The following VSTM4 variants were observed in gnomAD, a reference collection of about 807,000 sequenced individuals.
The protein encoded by VSTM4 is V-set and transmembrane domain containing 4.
VSTM4 carries 20 observed loss-of-function variants against 36.4 expected under a neutral mutation model. That is an observed-to-expected ratio of 0.55 (90% CI 0.39 to 0.80). The LOEUF is 0.80. VSTM4 is among the 30% of genes least tolerant of loss of function. VSTM4 has a pLI of 0.00. For synonymous variants in VSTM4, 182 were observed against 173.9 expected (o/e 1.05, Z -0.37); for missense variants, 392 against 404.5 (o/e 0.97, Z 0.26).
chr10:49,027,538 C>T (rs1843281926), intron 7 of VSTM4, among the ~76,000 whole-genome samples: 1 of 152,158 alleles, frequency 6.6e-6, no homozygotes, highest in African/African-American at 2.4e-5. Context: ...ATGTCTGTAA[C>T]CACTGCCACA....
chr10:49,100,411 C>T (rs1844646317), intron 2 of VSTM4, among the ~76,000 whole-genome samples: 1 of 152,132 alleles, frequency 6.6e-6, no homozygotes, highest in Non-Finnish European at 1.5e-5. Flanking sequence ...AAATATAACT[C>T]AACAAAAGTC....
Position 49,019,557 on chromosome 10 carries a change from G to A in VSTM4, c.*93C>T. On this transcript the variant is annotated 3_prime_UTR_variant, in exon 8 of 8. Coordinates refer to ENST00000332853, the MANE Select transcript of VSTM4 (RefSeq NM_001031746.5). ...GGGCTCCCCACCACTCAGAAGGCAT[G>A]AGTGAAAATACAGACATAAGGGCTT... 2.1e-6 allele frequency: 3 copies of A among 1,457,084 alleles called. No homozygotes were observed. In the South Asian group the frequency reaches 4.9e-5, roughly 24 times the overall value. 90.3% of individuals were successfully genotyped at this position (1,457,084 alleles called of 1,614,324 possible). A position where few individuals can be genotyped will look rare whatever the true frequency, so the allele number is the denominator to read the frequency against.
rs148959839 is a variant in VSTM4 at position 49,095,588 on chromosome 10, C to T, written c.458-9565G>A. On this transcript the variant is annotated intron_variant, in intron 2 of 7. Coordinates refer to ENST00000332853, the MANE Select transcript of VSTM4 (RefSeq NM_001031746.5). ...GCAACACTTTTGAGCAGGCTGTCGTCTCTACTGAAACAGCACAGCCCAGGG... is the reference window on the plus strand; with the variant it reads ...GCAACACTTTTGAGCAGGCTGTCGTTTCTACTGAAACAGCACAGCCCAGGG... Among the ~76,000 whole-genome samples the T allele has an allele frequency of 3.7e-3, 561 of 152,266 alleles. 4 individuals are homozygous for T. Among genetic ancestry groups the T allele is most frequent in the African/African-American group, 0.013 (529 of 41,542 alleles).
chr10:49,040,497 G>A (rs61850680), intron 7 of VSTM4, among the ~76,000 whole-genome samples: 7,411 of 152,048 alleles, frequency 0.049, 214 homozygotes, highest in Middle Eastern at 0.12. Flanking sequence ...TATTGGCCGG[G>A]CGAGTCTCAA....
Position 49,108,831 on chromosome 10 carries a change from T to C in VSTM4, c.56-836A>G, listed in dbSNP as rs181895573. ...ACTGTTCTGCCCCTGAGCTGACCTG[T>C]GATGGAGCCACCCCAGCGCCCACTC... is the stretch of plus-strand genomic sequence containing the variant. On this transcript the variant is annotated intron_variant, in intron 1 of 7. Coordinates refer to ENST00000332853, the MANE Select transcript of VSTM4 (RefSeq NM_001031746.5). 3.2e-4 allele frequency among the ~76,000 whole-genome samples: 48 copies of C among 152,170 alleles called. No homozygotes were observed. In the East Asian group the frequency reaches 6.8e-3, roughly 21 times the overall value.
chr10:49,026,676 G>A (rs1218467536), intron 7 of VSTM4, among the ~76,000 whole-genome samples: 1 of 152,152 alleles, frequency 6.6e-6, no homozygotes, highest in African/African-American at 2.4e-5. Flanking sequence ...GCTCATGGTG[G>A]GAGAGGATGG....
rs1405230658 is a variant in VSTM4 at position 49,078,897 on chromosome 10, T to A, written c.527-1571A>T. 3.3e-5 allele frequency among the ~76,000 whole-genome samples: 5 copies of A among 152,216 alleles called. No homozygotes were observed. The South Asian group carries it at 1.0e-3, about 32-fold the overall frequency. ...CCCAGGCTGGAGCGCAGTGGCATAA[T>A]CTTGGCTCACTGCAACCTTCTCCTC... On this transcript the variant is annotated intron_variant, in intron 3 of 7. Transcript: ENST00000332853.
intron 7 of VSTM4, among the ~76,000 whole-genome samples, chr10:49,044,262 AG>A: frequency 6.6e-6 from 1 of 152,226 alleles, no homozygotes; most frequent in South Asian, 2.1e-4. Flanking sequence ...AGGGAGGTGG[AG>A]GCTGCAGTGA....
chr10:49,028,068 T>A (rs1417530452), intron 7 of VSTM4, among the ~76,000 whole-genome samples: 1 of 152,246 alleles, frequency 6.6e-6, no homozygotes, highest in African/African-American at 2.4e-5. Context: ...TTGCTCCACA[T>A]CCTTGTCAGC....
intron 4 of VSTM4, among the ~76,000 whole-genome samples, chr10:49,074,033 C>T (rs912908926): frequency 5.3e-5 from 8 of 152,214 alleles, no homozygotes; most frequent in African/African-American, 1.9e-4. Context: ...TATTACAGCC[C>T]ATCTGTGTCT....
intron 2 of VSTM4, among the ~76,000 whole-genome samples, chr10:49,093,571 C>T (rs1333237079): frequency 6.6e-6 from 1 of 152,120 alleles, no homozygotes; most frequent in Non-Finnish European, 1.5e-5. Context: ...TTGAAGCCTT[C>T]CTCCAGTGGT....
At chr10:49,085,890 T>TA (rs1844360922) in intron 3 of VSTM4, 65 bp downstream of exon 3, 48 of 1,064,040 alleles carry the variant, frequency 4.5e-5, no homozygotes, top group South Asian at 3.4e-4. Context: ...AAAGTATAAT[T>TA]TAAAAAAAAA....
chr10:49,115,518 A>G lies in VSTM4; in HGVS notation c.-33T>C, dbSNP rs1434894305. 1 of 981,200 alleles carries G rather than the reference A, an allele frequency of 1.0e-6. No homozygotes were observed. The highest frequency in any genetic ancestry group is 1.2e-6 in the Non-Finnish European group (1 of 828,612). The allele number at this position is 981,200 out of a possible 1,614,324, so 60.8% of individuals were successfully genotyped here. On this transcript the variant is annotated 5_prime_UTR_variant, in exon 1 of 8. Coordinates refer to ENST00000332853, the MANE Select transcript of VSTM4 (RefSeq NM_001031746.5). Reference sequence around the variant, plus strand: ...CCGCCGCCCGGCGCTGTGACGCGGGAGAGCGCCGCCGCCTGGCCCGGCCGC... The same window carrying G: ...CCGCCGCCCGGCGCTGTGACGCGGGGGAGCGCCGCCGCCTGGCCCGGCCGC...
rs376862197 is a variant in VSTM4, at chr10:49,109,936, C to A, written c.56-1941G>T. ...ATGTTAAATTAGTCAGAAGACATTTCTTCCTCACTGCTGAAGCCCTGTGTG... is the reference window on the plus strand; with the variant it reads ...ATGTTAAATTAGTCAGAAGACATTTATTCCTCACTGCTGAAGCCCTGTGTG... On this transcript the variant is annotated intron_variant, in intron 1 of 7. Coordinates refer to ENST00000332853, the MANE Select transcript of VSTM4 (RefSeq NM_001031746.5). Among the ~76,000 whole-genome samples, 64 of 152,370 alleles carry A rather than the reference C, an allele frequency of 4.2e-4. 1 individual carries two copies. The highest frequency in any genetic ancestry group is 1.4e-3 in the African/African-American group (60 of 41,590).
intron 7 of VSTM4, among the ~76,000 whole-genome samples, chr10:49,036,105 A>G (rs1240109716): frequency 6.6e-6 from 1 of 152,192 alleles, no homozygotes. Flanking sequence ...TGGGAGAGAT[A>G]TGATCTTGAT....
At chr10:49,072,326 C>T (rs1844094083) in intron 4 of VSTM4, among the ~76,000 whole-genome samples, 1 of 152,176 alleles carries the variant, frequency 6.6e-6, no homozygotes, top group Admixed American at 6.5e-5. Context: ...GCAAATAGGG[C>T]ATGCTCCTCA....
At chr10:49,085,796 G>A (rs1157748823) in intron 3 of VSTM4, among the ~76,000 whole-genome samples, 159 bp downstream of exon 3, 2 of 152,054 alleles carry the variant, frequency 1.3e-5, no homozygotes, top group Non-Finnish European at 2.9e-5. Flanking sequence ...TGTAAATGAC[G>A]AGTTAATGGG....
At chr10:49,079,892 T>C (rs1216243098) in intron 3 of VSTM4, among the ~76,000 whole-genome samples, 2 of 152,136 alleles carry the variant, frequency 1.3e-5, no homozygotes, top group Admixed American at 6.6e-5. Context: ...AATATGCATA[T>C]ATTTTTAAAT....
Position 49,085,165 on chromosome 10 carries a change from C to A in VSTM4, c.526+790G>T, listed in dbSNP as rs1013990092. On this transcript the variant is annotated intron_variant, in intron 3 of 7. Transcript: ENST00000332853. ...TCTGATTCTATAAGCTAGGGCAGGG[C>A]ACAGCCATGTGCATTTGGAACAAGC... Among the ~76,000 whole-genome samples, 4 of 152,380 alleles carry A rather than the reference C, an allele frequency of 2.6e-5. No individual in the cohort carries two copies. The South Asian group carries it at 8.3e-4, about 32-fold the overall frequency.
Sources: allele counts gnomAD v4.1 joint callset (sites outside exome capture counted in the v4.1 genomes callset), GRCh38; gene constraint gnomAD v4.1.1; transcripts MANE v1.5; gene names NCBI Gene and HGNC (gene_info 2026-07-23, HGNC 2026-07-21).